TTC17: variants seen among roughly 807,000 people sequenced by gnomAD.
The protein encoded by TTC17 is tetratricopeptide repeat domain 17.
A neutral mutation model predicts 143.8 loss-of-function variants in TTC17; 58 were observed. The observed-to-expected ratio is 0.40, with a 90% confidence interval of 0.33 to 0.50. The LOEUF is 0.50. TTC17 is among the 20% of genes least tolerant of loss of function. TTC17 has a pLI of 0.49. For missense variants in TTC17, 1,273 were observed against 1,392.5 expected, an observed-to-expected ratio of 0.91 and a Z score of 1.37; for synonymous variants, 501 against 497.8, an observed-to-expected ratio of 1.01 and a Z score of -0.09.
At chr11:43,414,147 T>C (rs1946723470) in intron 15 of TTC17, among the ~76,000 whole-genome samples, 1 of 152,098 alleles carries the variant, frequency 6.6e-6, no homozygotes, top group Admixed American at 6.6e-5. Context: ...GAATTTTAGA[T>C]TGAGTGAAAG....
At chr11:43,463,394 A>G (rs1285258547) in intron 21 of TTC17, among the ~76,000 whole-genome samples, 4 of 152,228 alleles carry the variant, frequency 2.6e-5, no homozygotes, top group Non-Finnish European at 4.4e-5. Flanking sequence ...AATAGCTTAC[A>G]AAATAAAAAT....
In TTC17 at chr11:43,365,146, G is replaced by T. The variant is rs571311116; in HGVS notation, c.159+6033G>T. 3.2e-4 allele frequency among the ~76,000 whole-genome samples: 49 copies of T among 152,210 alleles called. 2 individuals are homozygous for T. In the South Asian group the frequency reaches 9.5e-3, roughly 30 times the overall value. On this transcript the variant is annotated intron_variant, in intron 1 of 23. Transcript: ENST00000039989. ...AAAGACAGGTCACTCTGTCACCCAG[G>T]CTAGAGTGCAGTGGCACCGTCATAG...
Position 43,396,786 on chromosome 11 carries a change from A to G in TTC17, c.741A>G (p.Glu247=). 1 of 1,610,752 alleles carries G rather than the reference A, an allele frequency of 6.2e-7. No homozygotes were observed. The highest frequency in any genetic ancestry group is 8.5e-7 in the Non-Finnish European group (1 of 1,177,476). ...AGAATGAGCCATATCAGGTAGTAGAATGTGCCATGCGAGCACTTCACTTCT... is the reference window on the plus strand; with the variant it reads ...AGAATGAGCCATATCAGGTAGTAGAGTGTGCCATGCGAGCACTTCACTTCT... The part of the protein sequence containing the change: ...RIKNEPYQVV[E]CAMRALHFSS... The change falls in exon 6 of 24, where the codon GAA becomes GAG. Residue 247 remains glutamate, a synonymous_variant. Transcript: ENST00000039989.
rs532268045 is a variant in TTC17 at position 43,447,939 on chromosome 11, A to G, written c.2666-63A>G. ...ATCCAGGTGAAGTAATCACCAGGGC[A>G]TAAGGCCCTTTGGGTTCTCTTCCTT... is the stretch of plus-strand genomic sequence containing the variant. On this transcript the variant is annotated intron_variant, in intron 18 of 23. Coordinates refer to ENST00000039989, the MANE Select transcript of TTC17 (RefSeq NM_018259.6). 11 of 1,589,292 alleles carry G rather than the reference A, an allele frequency of 6.9e-6. No homozygotes were observed. In the East Asian group the frequency reaches 1.8e-4, roughly 26 times the overall value.
intron 16 of TTC17, chr11:43,435,129 A>AGATAGATAGATC (rs1466816812): frequency 4.1e-5 from 6 of 147,240 alleles, no homozygotes; most frequent in Non-Finnish European, 9.1e-5. Flanking sequence ...ATAGATAGAT[A>AGATAGATAGATC]GATCGGTCTA....
chr11:43,445,192 A>G (rs1159735790), intron 18 of TTC17, among the ~76,000 whole-genome samples: 4 of 152,210 alleles, frequency 2.6e-5, no homozygotes, highest in Non-Finnish European at 5.9e-5. Flanking sequence ...TCATTATGCT[A>G]TATTTCATCA....
intron 16 of TTC17, among the ~76,000 whole-genome samples, chr11:43,431,168 A>G (rs892909035): frequency 6.6e-5 from 10 of 152,108 alleles, no homozygotes; most frequent in Middle Eastern, 3.2e-3. Context: ...AATCCAGTCT[A>G]TCATTGATGG....
intron 21 of TTC17, among the ~76,000 whole-genome samples, chr11:43,457,489 A>G (rs1297631129): frequency 6.6e-6 from 1 of 152,156 alleles, no homozygotes; most frequent in Non-Finnish European, 1.5e-5. Flanking sequence ...AGTGCAGACA[A>G]TAGGAGTAGA....
intron 1 of TTC17, 53 bp from the exon 2 acceptor site, chr11:43,379,180 C>A: frequency 1.3e-6 from 2 of 1,507,700 alleles, no homozygotes; most frequent in South Asian, 1.1e-5. Flanking sequence ...CTTTGTTAAT[C>A]CAAACCAGCA....
chr11:43,386,379 C>A (rs1195686402), intron 2 of TTC17, among the ~76,000 whole-genome samples: 1 of 152,140 alleles, frequency 6.6e-6, no homozygotes, highest in Non-Finnish European at 1.5e-5. Context: ...TGTTACTGTA[C>A]TGAATACTGT....
intron 1 of TTC17, chr11:43,370,051 T>G: frequency 2.2e-6 from 1 of 454,526 alleles, no homozygotes; most frequent in Non-Finnish European, 4.4e-6. Flanking sequence ...GTAAAAGATC[T>G]GTTTATATTA....
intron 17 of TTC17, 121 bp from the exon 18 acceptor site, chr11:43,443,935 A>T: frequency 8.6e-7 from 1 of 1,169,194 alleles, no homozygotes; most frequent in Non-Finnish European, 1.2e-6. Flanking sequence ...TTTAAGAATT[A>T]AACTCAAGGA....
intron 18 of TTC17, among the ~76,000 whole-genome samples, chr11:43,444,681 G>A (rs1947499466): frequency 6.6e-6 from 1 of 150,832 alleles, no homozygotes; most frequent in African/African-American, 2.4e-5. Context: ...CAGTATTTCA[G>A]TAAAATACGT....
At chr11:43,403,079 TAAAG>T (rs112071133) in intron 10 of TTC17, among the ~76,000 whole-genome samples, 25,844 of 151,738 alleles carry the variant, frequency 0.17, 2,861 homozygotes, top group Non-Finnish European at 0.24. Flanking sequence ...AGGGAAAAAA[TAAAG>T]AAGACCAGAT....
intron 10 of TTC17, among the ~76,000 whole-genome samples, chr11:43,401,852 C>T (rs1590360459): frequency 6.6e-6 from 1 of 151,950 alleles, no homozygotes; most frequent in Non-Finnish European, 1.5e-5. Flanking sequence ...GTGGCATGCA[C>T]CTGTAGTCCC....
intron 21 of TTC17, among the ~76,000 whole-genome samples, chr11:43,461,524 T>A (rs182064624): frequency 6.6e-6 from 1 of 150,978 alleles, no homozygotes; most frequent in Non-Finnish European, 1.5e-5. Context: ...AAAACAAATA[T>A]GTGTTCAAAC....
chr11:43,384,710 T>G (rs993644484), intron 2 of TTC17, among the ~76,000 whole-genome samples: 1 of 152,244 alleles, frequency 6.6e-6, no homozygotes, highest in Admixed American at 6.5e-5. Flanking sequence ...ATATTTTATA[T>G]TTCATTCTAC....
chr11:43,473,883 A>AG (rs1948136165), intron 21 of TTC17, among the ~76,000 whole-genome samples: 38 of 135,758 alleles, frequency 2.8e-4, no homozygotes, highest in African/African-American at 1.1e-3. Flanking sequence ...ACTCTGTCTC[A>AG]AAAAAAAAAA....
chr11:43,415,814 G>A (rs1427914001), intron 16 of TTC17, among the ~76,000 whole-genome samples: 2 of 152,098 alleles, frequency 1.3e-5, no homozygotes, highest in Non-Finnish European at 2.9e-5. Flanking sequence ...GAATCTCCCA[G>A]CAATATACCT....
Sources: gnomAD v4.1 joint callset for allele counts (sites outside exome capture counted in the v4.1 genomes callset) on GRCh38, gnomAD v4.1.1 for gene constraint, MANE v1.5 for transcripts, NCBI Gene and HGNC (gene_info 2026-07-23, HGNC 2026-07-21) for gene names.